CACNA2D1: variants seen among roughly 807,000 people sequenced by gnomAD.
The protein encoded by CACNA2D1 is voltage-dependent calcium channel subunit alpha-2/delta-1.
In CACNA2D1, 53 loss-of-function variants were observed where a neutral mutation model predicts 171.5. The observed-to-expected ratio is 0.31, with a 90% CI of 0.25 to 0.39. The LOEUF is 0.39. Among genes scored for constraint, CACNA2D1 ranks in the 10% least tolerant of loss-of-function variants. CACNA2D1 has a pLI of 1.00. For synonymous variants in CACNA2D1, 442 were observed against 443.1 expected, an observed-to-expected ratio of 1.00 and a Z score of 0.03; for missense variants, 903 against 1,299.8, an observed-to-expected ratio of 0.69 and a Z score of 4.69.
chr7:82,263,693 G>A (rs374075101), intron 3 of CACNA2D1, among the ~76,000 whole-genome samples: 6 of 152,120 alleles, frequency 3.9e-5, no homozygotes, highest in African/African-American at 1.2e-4. Context: ...GTTTTGTTTC[G>A]TTTTGTTTTG....
chr7:82,088,412 C>G (rs2054220974), intron 6 of CACNA2D1, among the ~76,000 whole-genome samples: 1 of 151,976 alleles, frequency 6.6e-6, no homozygotes, highest in Non-Finnish European at 1.5e-5. Flanking sequence ...CATATAAAAC[C>G]TAATCTCAAA....
At position 81,983,644 on chromosome 7, in the gene CACNA2D1, T is replaced by C. The variant is rs34029083; in HGVS notation, c.1874-310A>G. The stretch of plus-strand genomic sequence containing the variant: ...TCAGGCTATAAACATAAGCATTTAC[T>C]AATCAAAGACTCACGAGTTATCCCC... On this transcript the variant is annotated intron_variant, in intron 22 of 38. Coordinates refer to ENST00000356860, the MANE Select transcript of CACNA2D1 (RefSeq NM_000722.4). Among the ~76,000 whole-genome samples, 8,186 of 152,238 alleles carry C rather than the reference T, an allele frequency of 0.054. 280 individuals carry two copies. Among genetic ancestry groups the C allele is most frequent in the Non-Finnish European group, 0.085 (5,803 of 68,004 alleles).
At chr7:82,399,627 A>G (rs1826131626) in intron 1 of CACNA2D1, among the ~76,000 whole-genome samples, 1 of 152,126 alleles carries the variant, frequency 6.6e-6, no homozygotes, top group African/African-American at 2.4e-5. Flanking sequence ...ACAGTTTTAA[A>G]TCACTTCCTT....
At chr7:82,255,618 GT>G (rs1806203665) in intron 3 of CACNA2D1, among the ~76,000 whole-genome samples, 1 of 152,086 alleles carries the variant, frequency 6.6e-6, no homozygotes, top group South Asian at 2.1e-4. Context: ...AAAGAAAATT[GT>G]TTTTGAGCCT....
At chr7:81,968,118 A>T (rs2130382458) in intron 29 of CACNA2D1, among the ~76,000 whole-genome samples, 1 of 151,558 alleles carries the variant, frequency 6.6e-6, no homozygotes, top group African/African-American at 2.4e-5. Flanking sequence ...TAATTGAGCA[A>T]TTGAGTGAAT....
chr7:82,165,491 A>T (rs1025158759), intron 4 of CACNA2D1, among the ~76,000 whole-genome samples: 1 of 152,100 alleles, frequency 6.6e-6, no homozygotes, highest in African/African-American at 2.4e-5. Flanking sequence ...CAATATAAAA[A>T]ACAAAAGAGA....
intron 7 of CACNA2D1, among the ~76,000 whole-genome samples, chr7:82,082,882 A>G (rs1418870222): frequency 6.6e-6 from 1 of 152,088 alleles, no homozygotes; most frequent in African/African-American, 2.4e-5. Context: ...TTGAAGTTAA[A>G]GAATTACAGA....
chr7:81,987,054 A>C (rs1584300288), intron 21 of CACNA2D1, among the ~76,000 whole-genome samples: 3 of 152,302 alleles, frequency 2.0e-5, no homozygotes, highest in Non-Finnish European at 4.4e-5. Flanking sequence ...CCATAAATAT[A>C]GTATGGAAAC....
chr7:82,394,929 A>G (rs1825612107), intron 1 of CACNA2D1, among the ~76,000 whole-genome samples: 2 of 145,966 alleles, frequency 1.4e-5, no homozygotes, highest in African/African-American at 4.9e-5. Context: ...CTAAAACACC[A>G]GCTTCATTAT....
intron 1 of CACNA2D1, among the ~76,000 whole-genome samples, chr7:82,396,200 CA>C (rs1232010392): frequency 1.3e-5 from 2 of 152,008 alleles, no homozygotes; most frequent in Non-Finnish European, 1.5e-5. Flanking sequence ...TTTCTCTTTC[CA>C]GGCTGGGTGC....
At chr7:82,256,256 T>C (rs1806291967) in intron 3 of CACNA2D1, among the ~76,000 whole-genome samples, 1 of 152,106 alleles carries the variant, frequency 6.6e-6, no homozygotes, top group Non-Finnish European at 1.5e-5. Flanking sequence ...ATTGTACTAC[T>C]GTACTACAGC....
At chr7:82,017,663 GT>G (rs1800670244) in intron 12 of CACNA2D1, among the ~76,000 whole-genome samples, 1 of 151,644 alleles carries the variant, frequency 6.6e-6, no homozygotes, top group African/African-American at 2.4e-5. Flanking sequence ...TAATTTTGGA[GT>G]TATAGAAAAA....
intron 4 of CACNA2D1, among the ~76,000 whole-genome samples, chr7:82,139,087 C>T (rs529982873): frequency 1.3e-5 from 2 of 152,288 alleles, no homozygotes; most frequent in South Asian, 2.1e-4. Context: ...TATGCACACA[C>T]TGTTGTGCCA....
chr7:82,295,835 AAT>A (rs1481602090), intron 3 of CACNA2D1, among the ~76,000 whole-genome samples: 3 of 152,072 alleles, frequency 2.0e-5, no homozygotes, highest in Non-Finnish European at 2.9e-5. Flanking sequence ...CACTATTCAC[AAT>A]AGCAAAGACT....
At chr7:82,437,874 T>C (rs1392655235) in intron 1 of CACNA2D1, among the ~76,000 whole-genome samples, 1 of 152,188 alleles carries the variant, frequency 6.6e-6, no homozygotes, top group African/African-American at 2.4e-5. Flanking sequence ...ACATTTGCCT[T>C]CATTCCTAAA....
chr7:81,990,894 A>G (rs1032608119), intron 21 of CACNA2D1, among the ~76,000 whole-genome samples: 1 of 152,180 alleles, frequency 6.6e-6, no homozygotes, highest in African/African-American at 2.4e-5. Flanking sequence ...AACAACAACT[A>G]AAAGAGGAAG....
chr7:82,430,852 T>C (rs3801666), intron 1 of CACNA2D1, among the ~76,000 whole-genome samples: 53,497 of 152,150 alleles, frequency 0.35, 11,279 homozygotes, highest in South Asian at 0.58. Flanking sequence ...CCTGGATAGA[T>C]TGCATTATTA....
In CACNA2D1 at chr7:82,137,707, T is replaced by TAAAAAAAAAAAAAAAAAAAAAAA. The variant is rs1174278503; in HGVS notation, c.355-1054_355-1032dup. Among the ~76,000 whole-genome samples, 21 of 78,820 alleles carry TAAAAAAAAAAAAAAAAAAAAAAA rather than the reference T, an allele frequency of 2.7e-4. 1 individual carries two copies. The highest frequency in any genetic ancestry group is 1.0e-3 in the South Asian group (2 of 2,008). The allele number at this position is 78,820 out of a possible 152,430, so 51.7% of individuals were successfully genotyped here. On this transcript the variant is annotated intron_variant, in intron 4 of 38. Transcript: ENST00000356860. The stretch of plus-strand genomic sequence containing the variant: ...TAATACAGTGAAACTCCGTCTCTAC[T>TAAAAAAAAAAAAAAAAAAAAAAA]AAAAAAAAAAAAAAAAAAAAAAATT...
rs539390874 is a variant in CACNA2D1, at chr7:82,045,919, CT to C, written c.880-7685del. 3.0e-3 allele frequency among the ~76,000 whole-genome samples: 453 copies of C among 152,228 alleles called. 2 individuals carry two copies. Among genetic ancestry groups the C allele is most frequent in the South Asian group, 0.01 (49 of 4,828 alleles). ...CCCCAAGCGCAAATTCCCTGACGCA[CT>C]TTTCTCTAAGGTCTTTAATCATTTT... On this transcript the variant is annotated intron_variant, in intron 10 of 38. Coordinates refer to ENST00000356860, the MANE Select transcript of CACNA2D1 (RefSeq NM_000722.4).
Sources: gnomAD v4.1 joint callset for allele counts (sites outside exome capture counted in the v4.1 genomes callset) on GRCh38, gnomAD v4.1.1 for gene constraint, MANE v1.5 for transcripts, NCBI Gene and HGNC (gene_info 2026-07-23, HGNC 2026-07-21) for gene names.